SSH2: variants seen among roughly 807,000 people sequenced by gnomAD.
SSH2 encodes protein phosphatase Slingshot homolog 2.
SSH2 carries 37 observed loss-of-function variants against 135.2 expected under a neutral mutation model. The ratio of observed to expected loss-of-function variants is 0.27; its 90% CI spans 0.21 to 0.36. The LOEUF (loss-of-function observed/expected upper bound fraction) is 0.36. Ranked by LOEUF, SSH2 falls within the 10% of genes least tolerant of loss-of-function variation. SSH2 has a pLI of 1.00. For missense variants in SSH2, 1,408 were observed against 1,765.3 expected, an observed-to-expected ratio of 0.80 and a Z score of 3.63; for synonymous variants, 628 against 646.2, an observed-to-expected ratio of 0.97 and a Z score of 0.43.
intron 12 of SSH2, among the ~76,000 whole-genome samples, chr17:29,652,607 G>GAAAAGGAA (rs2036622511): frequency 2.0e-5 from 3 of 151,762 alleles, no homozygotes; most frequent in Non-Finnish European, 2.9e-5. Context: ...GGAAAAAAAG[G>GAAAAGGAA]AAAAAGAAAA....
chr17:29,863,794 T>C (rs2065805768), intron 1 of SSH2: 1 of 152,146 alleles, frequency 6.6e-6, no homozygotes, highest in Admixed American at 6.5e-5. Flanking sequence ...GCTTGGAGAG[T>C]AAGTCCCACA....
At chr17:29,775,289 T>C (rs1454270664) in intron 3 of SSH2, among the ~76,000 whole-genome samples, 1 of 134,320 alleles carries the variant, frequency 7.4e-6, no homozygotes, top group Non-Finnish European at 1.6e-5. Context: ...CCTTCTTTCC[T>C]TTTTTTTTTT....
chr17:29,664,241 T>C (rs2037177169), intron 11 of SSH2, among the ~76,000 whole-genome samples: 1 of 151,904 alleles, frequency 6.6e-6, no homozygotes, highest in South Asian at 2.1e-4. Flanking sequence ...GGCGTGGTAG[T>C]GTGTGCCTTT....
intron 6 of SSH2, among the ~76,000 whole-genome samples, chr17:29,679,911 C>T (rs1428537634): frequency 6.6e-6 from 1 of 152,092 alleles, no homozygotes; most frequent in Non-Finnish European, 1.5e-5. Flanking sequence ...GGATTGATTT[C>T]CTTCAGTATT....
At chr17:29,679,376 A>C (rs1309549923) in intron 6 of SSH2, among the ~76,000 whole-genome samples, 1 of 151,506 alleles carries the variant, frequency 6.6e-6, no homozygotes, top group Middle Eastern at 3.2e-3. Flanking sequence ...TCTTGCACTA[A>C]CTGTATAATC....
At chr17:29,696,208 CAT>C (rs1555614300) in intron 4 of SSH2, among the ~76,000 whole-genome samples, 21 of 140,800 alleles carry the variant, frequency 1.5e-4, no homozygotes, top group South Asian at 4.5e-4. Context: ...CACACACACA[CAT>C]ATGTATATAC....
At chr17:29,832,272 T>C (rs1331566867) in intron 2 of SSH2, among the ~76,000 whole-genome samples, 1 of 152,106 alleles carries the variant, frequency 6.6e-6, no homozygotes, top group African/African-American at 2.4e-5. Context: ...GCCTCCTGAG[T>C]AGCTGGAATC....
chr17:29,849,003 A>C, intron 1 of SSH2, 74 bp from the exon 2 acceptor site: 1 of 954,004 alleles, frequency 1.0e-6, no homozygotes. Context: ...AGCAAGCTGA[A>C]ATCACTGAGT....
At chr17:29,661,525 C>T (rs2037042442) in intron 11 of SSH2, among the ~76,000 whole-genome samples, 1 of 152,116 alleles carries the variant, frequency 6.6e-6, no homozygotes, top group Admixed American at 6.6e-5. Context: ...AAGAGCCCTG[C>T]TGGCTTGTTT....
chr17:29,646,061 C>A (rs2036357855), intron 14 of SSH2, among the ~76,000 whole-genome samples: 1 of 152,144 alleles, frequency 6.6e-6, no homozygotes, highest in Admixed American at 6.5e-5. Flanking sequence ...TGTGCCTTCA[C>A]CCTAACAAAA....
chr17:29,858,984 A>G (rs543341602), intron 1 of SSH2, among the ~76,000 whole-genome samples: 1 of 152,220 alleles, frequency 6.6e-6, no homozygotes, highest in African/African-American at 2.4e-5. Flanking sequence ...CAGGCCAAGA[A>G]GGTCAGCCTC....
At chr17:29,633,047 A>C in intron 15 of SSH2, 116 bp from the exon 16 acceptor site, 1 of 941,776 alleles carries the variant, frequency 1.1e-6, no homozygotes, top group Non-Finnish European at 1.6e-6. Context: ...AGAGAATACA[A>C]ATCATGGAGT....
intron 9 of SSH2, among the ~76,000 whole-genome samples, chr17:29,669,406 A>G (rs1283881297): frequency 6.6e-6 from 1 of 152,200 alleles, no homozygotes; most frequent in Non-Finnish European, 1.5e-5. Flanking sequence ...TTCAAAATAT[A>G]AATTATTCAC....
chr17:29,697,021 T>C (rs910392349), intron 4 of SSH2, among the ~76,000 whole-genome samples: 4 of 152,100 alleles, frequency 2.6e-5, no homozygotes, highest in Non-Finnish European at 5.9e-5. Context: ...ATAAGGGATA[T>C]ATATTCTCCT....
chr17:29,630,642 G>A lies in SSH2; in HGVS notation c.*199C>T. The A allele has an allele frequency of 2.4e-6, 1 of 415,022 alleles. No homozygotes were observed. Among genetic ancestry groups the A allele is most frequent in the Non-Finnish European group, 4.2e-6 (1 of 239,180 alleles). 25.7% of individuals were successfully genotyped at this position (415,022 alleles called of 1,614,324 possible). A position where few individuals can be genotyped will look rare whatever the true frequency, so the allele number is the denominator to read the frequency against. On this transcript the variant is annotated 3_prime_UTR_variant, in exon 16 of 16. Coordinates refer to ENST00000540801, the MANE Select transcript of SSH2 (RefSeq NM_001282129.2). ...TAAATAAAAAATGATAAACGGTCTT[G>A]CCATCCAGATCAATCTCTCTTTCCC...
chr17:29,920,042 G>A (rs1364283883), intron 1 of SSH2, among the ~76,000 whole-genome samples: 1 of 152,134 alleles, frequency 6.6e-6, no homozygotes, highest in African/African-American at 2.4e-5. Flanking sequence ...GAGTAGCTGG[G>A]ATTACAGGCA....
intron 8 of SSH2, 130 bp from the exon 9 acceptor site, chr17:29,672,259 A>G: frequency 3.2e-6 from 2 of 630,014 alleles, no homozygotes; most frequent in Non-Finnish European, 5.4e-6. Flanking sequence ...ACTCCTTGAA[A>G]GTCAAGATTC....
chr17:29,795,592 A>G (rs545193992), intron 2 of SSH2, among the ~76,000 whole-genome samples: 34 of 152,202 alleles, frequency 2.2e-4, no homozygotes, highest in Non-Finnish European at 3.8e-4. Context: ...AAAATAAAAG[A>G]CTCAGATAAA....
chr17:29,770,489 T>C (rs1230731415), intron 3 of SSH2, among the ~76,000 whole-genome samples: 16 of 151,704 alleles, frequency 1.1e-4, no homozygotes, highest in African/African-American at 3.4e-4. Context: ...TTTTTTTTTT[T>C]CAAAATGGAG....
Sources: gnomAD v4.1 joint callset for allele counts (sites outside exome capture counted in the v4.1 genomes callset) on GRCh38, gnomAD v4.1.1 for gene constraint, MANE v1.5 for transcripts, NCBI Gene and HGNC (gene_info 2026-07-23, HGNC 2026-07-21) for gene names.